SHISA9: variants seen among roughly 807,000 people sequenced by gnomAD.
The protein encoded by SHISA9 is shisa family member 9.
Under a neutral mutation model 38.0 loss-of-function variants are expected in SHISA9, and 13 were observed. That is an observed-to-expected ratio of 0.34 (90% CI 0.22 to 0.54). The LOEUF is 0.54. SHISA9 is among the 20% of genes least tolerant of loss of function. The pLI is 0.91. For missense variants in SHISA9, 538 were observed against 575.8 expected, an observed-to-expected ratio of 0.93 and a Z score of 0.67; for synonymous variants, 275 against 242.0, an observed-to-expected ratio of 1.14 and a Z score of -1.27.
chr16:13,299,331 A>C, the SHISA9 span, among the ~76,000 whole-genome samples: 1 of 152,190 alleles, frequency 6.6e-6, no homozygotes, highest in East Asian at 1.9e-4. Context: ...TGAAGTAGGT[A>C]CAATTTCTGT....
At chr16:13,540,691 C>G in the SHISA9 span, among the ~76,000 whole-genome samples, 83 of 152,252 alleles carry the variant, frequency 5.5e-4, no homozygotes, top group African/African-American at 1.9e-3. Context: ...TAAGACATTC[C>G]TCATCCTTAA....
At chr16:13,435,571 C>G in the SHISA9 span, among the ~76,000 whole-genome samples, 16 of 152,248 alleles carry the variant, frequency 1.1e-4, no homozygotes, top group African/African-American at 3.4e-4. Flanking sequence ...CTATCCCAAC[C>G]CTTTGAAAAT....
At chr16:13,412,079 C>T in the SHISA9 span, among the ~76,000 whole-genome samples, 1 of 152,120 alleles carries the variant, frequency 6.6e-6, no homozygotes, top group Non-Finnish European at 1.5e-5. Flanking sequence ...TCACCCTAAA[C>T]ACACACAAGG....
chr16:13,226,672 G>A (rs570589184), intron 4 of SHISA9, among the ~76,000 whole-genome samples: 1 of 152,300 alleles, frequency 6.6e-6, no homozygotes, highest in Non-Finnish European at 1.5e-5. Flanking sequence ...TCTTGTTTGG[G>A]CTGGATTGGC....
the SHISA9 span, among the ~76,000 whole-genome samples, chr16:13,341,703 G>T: frequency 6.6e-6 from 1 of 152,088 alleles, no homozygotes; most frequent in Non-Finnish European, 1.5e-5. Flanking sequence ...TTTTAAACAC[G>T]CTTTCCTCCC....
intron 2 of SHISA9, among the ~76,000 whole-genome samples, chr16:13,018,441 C>G (rs999933977): frequency 6.6e-6 from 1 of 152,210 alleles, no homozygotes; most frequent in Non-Finnish European, 1.5e-5. Flanking sequence ...GTCTACCCCA[C>G]CTGCTAGCAT....
intron 2 of SHISA9, among the ~76,000 whole-genome samples, chr16:13,185,049 A>G (rs2142034774): frequency 6.6e-6 from 1 of 152,334 alleles, no homozygotes; most frequent in South Asian, 2.1e-4. Flanking sequence ...AGCAAGGTGC[A>G]AGAGTTTCAC....
the SHISA9 span, among the ~76,000 whole-genome samples, chr16:13,359,763 C>G: frequency 6.6e-6 from 1 of 152,142 alleles, no homozygotes; most frequent in African/African-American, 2.4e-5. Context: ...TGTCACTTTC[C>G]TTGTGTGAAG....
At chr16:12,972,540 C>G (rs1294557277) in intron 2 of SHISA9, among the ~76,000 whole-genome samples, 4 of 152,224 alleles carry the variant, frequency 2.6e-5, no homozygotes, top group Admixed American at 2.0e-4. Flanking sequence ...TAAGTCAGCA[C>G]TGTCCAAATC....
the SHISA9 span, among the ~76,000 whole-genome samples, chr16:13,555,353 T>C: frequency 6.6e-6 from 1 of 152,226 alleles, no homozygotes; most frequent in African/African-American, 2.4e-5. Context: ...TTTTTGATAA[T>C]GAATAAAGAT....
At chr16:13,141,738 T>A (rs1253908349) in intron 2 of SHISA9, among the ~76,000 whole-genome samples, 3 of 152,070 alleles carry the variant, frequency 2.0e-5, no homozygotes, top group African/African-American at 7.2e-5. Flanking sequence ...CTTGCAAAGG[T>A]GATATGAAGA....
chr16:13,021,722 G>A (rs1188938813), intron 2 of SHISA9, among the ~76,000 whole-genome samples: 10 of 152,074 alleles, frequency 6.6e-5, no homozygotes, highest in Non-Finnish European at 1.2e-4. Context: ...AGGTATATTG[G>A]ATGTCCCCTT....
At chr16:13,175,300 G>A (rs1368266567) in intron 2 of SHISA9, among the ~76,000 whole-genome samples, 2 of 152,124 alleles carry the variant, frequency 1.3e-5, no homozygotes, top group Non-Finnish European at 2.9e-5. Context: ...GAGGTGGGAG[G>A]ATCGCTCAAG....
chr16:13,119,990 C>G (rs2074069345), intron 2 of SHISA9, among the ~76,000 whole-genome samples: 1 of 151,818 alleles, frequency 6.6e-6, no homozygotes, highest in Non-Finnish European at 1.5e-5. Flanking sequence ...AGAATGGGAA[C>G]ATGACAGGGA....
chr16:13,266,408 C>G, the SHISA9 span, among the ~76,000 whole-genome samples: 86,635 of 150,724 alleles, frequency 0.57, 25,270 homozygotes, highest in African/African-American at 0.68. Context: ...TGAAGGCTCT[C>G]TGTCTCTAAG....
intron 2 of SHISA9, among the ~76,000 whole-genome samples, chr16:13,112,148 G>A (rs2073984899): frequency 1.3e-5 from 2 of 152,122 alleles, no homozygotes; most frequent in Non-Finnish European, 2.9e-5. Flanking sequence ...GATGGACTAG[G>A]TTGTTTCATG....
intron 2 of SHISA9, among the ~76,000 whole-genome samples, chr16:13,202,202 G>A (rs1396328703): frequency 7.8e-6 from 1 of 128,388 alleles, no homozygotes; most frequent in Non-Finnish European, 1.7e-5. Flanking sequence ...TCCTTACACT[G>A]TATTCTCTAG....
chr16:13,137,683 T>C (rs1473237988), intron 2 of SHISA9, among the ~76,000 whole-genome samples: 2 of 152,130 alleles, frequency 1.3e-5, no homozygotes, highest in African/African-American at 2.4e-5. Context: ...CTTGATCTCT[T>C]AACCTTGTGA....
At chr16:13,152,199 G>C (rs1279737833) in intron 2 of SHISA9, among the ~76,000 whole-genome samples, 1 of 152,108 alleles carries the variant, frequency 6.6e-6, no homozygotes, top group Non-Finnish European at 1.5e-5. Flanking sequence ...CCACTCCCTA[G>C]AAATAAATTC....
Sources: allele counts gnomAD v4.1 joint callset (sites outside exome capture counted in the v4.1 genomes callset), GRCh38; gene constraint gnomAD v4.1.1; transcripts MANE v1.5; gene names NCBI Gene and HGNC (gene_info 2026-07-23, HGNC 2026-07-21).